Variants in SPTBN5 observed in about 807,000 individuals in gnomAD.
SPTBN5 encodes spectrin beta, non-erythrocytic 5.
Under a neutral mutation model 477.6 loss-of-function variants are expected in SPTBN5, and 513 were observed. The observed-to-expected ratio is 1.07, with a 90% CI of 1.00 to 1.16. The LOEUF is 1.16. Among genes scored for constraint, SPTBN5 ranks in the 50% most tolerant of loss-of-function variants. The pLI, the probability that SPTBN5 is intolerant of heterozygous loss-of-function variation, is 0.00. For missense variants in SPTBN5, 5,062 were observed against 4,731.8 expected, an observed-to-expected ratio of 1.07 and a Z score of -2.05; for synonymous variants, 2,169 against 2,011.7, an observed-to-expected ratio of 1.08 and a Z score of -2.09.
rs1453991843 is a variant in SPTBN5 at position 41,855,264 on chromosome 15, G to A, written c.9383C>T (p.Ala3128Val). The change falls in exon 55 of 68, where the codon GCC (alanine) becomes GTC (valine). Residue 3128 changes from alanine to valine, a missense_variant. By Grantham distance (64) the Ala-to-Val change is moderately conservative (BLOSUM62 0). Coordinates refer to ENST00000320955, the MANE Select transcript of SPTBN5 (RefSeq NM_016642.4). Reference sequence around the variant, plus strand: ...GTCCTGCCCGTAGTCCTGGGACTCGGCGGTGGCCGCCTTGGTGGTCAGCCA... The same window carrying A: ...GTCCTGCCCGTAGTCCTGGGACTCGACGGTGGCCGCCTTGGTGGTCAGCCA... ...DAWLTTKAAT[A>V]ESQDYGQDLE... 1.9e-6 allele frequency: 3 copies of A among 1,612,358 alleles called. No homozygotes were observed. The African/African-American group carries it at 4.0e-5, about 22-fold the overall frequency.
chr15:41,888,860 C>T (rs1182283870), intron 4 of SPTBN5, among the ~76,000 whole-genome samples: 2 of 152,222 alleles, frequency 1.3e-5, no homozygotes, highest in Non-Finnish European at 2.9e-5. Context: ...GTGCATGGTG[C>T]CCACATGAGG....
Position 41,872,351 on chromosome 15 carries a change from C to G in SPTBN5, c.5116G>C (p.Glu1706Gln), listed in dbSNP as rs748593023. 11 of 1,611,400 alleles carry G rather than the reference C, an allele frequency of 6.8e-6. No individual in the cohort carries two copies. The highest frequency in any genetic ancestry group is 9.3e-6 in the Non-Finnish European group (11 of 1,179,694). The part of the protein sequence containing the change: ...EVPEQQRVVQ[E>Q]RLREQLRALQ... ...GCCCGCAGCTGCTCCCGGAGCCTCTCCTGCACCACACGCTGCTGCTCAGGG... is the reference window on the plus strand; with the variant it reads ...GCCCGCAGCTGCTCCCGGAGCCTCTGCTGCACCACACGCTGCTGCTCAGGG... The change falls in exon 27 of 68, where the codon GAG (glutamate) becomes CAG (glutamine). Residue 1706 changes from glutamate (E) to glutamine (Q), a missense_variant. Glu to Gln is a conservative substitution (Grantham distance 29). Transcript: ENST00000320955.
Position 41,869,930 on chromosome 15 carries a change from T to C in SPTBN5, c.5764A>G (p.Thr1922Ala), listed in dbSNP as rs762124577. The C allele has an allele frequency of 2.6e-6, 4 of 1,554,132 alleles. No individual in the cohort carries two copies. The Admixed American group carries it at 7.5e-5, about 29-fold the overall frequency. Residue 1922 changes from threonine (T) to alanine (A), a missense_variant, in exon 32 of 68, where the codon ACG becomes GCG. Thr to Ala is a moderately conservative substitution (Grantham distance 58, BLOSUM62 0). Transcript: ENST00000320955. ...HAVQQRQQAV[T>A]QAWAVLQRRM... Reference sequence around the variant, plus strand: ...CGCTGCAGCACTGCCCACGCCTGCGTCACAGCTTGCTGCCTCTGCTGCACC... The same window carrying C: ...CGCTGCAGCACTGCCCACGCCTGCGCCACAGCTTGCTGCCTCTGCTGCACC...
Position 41,870,268 on chromosome 15 carries a change from C to T in SPTBN5, c.5648G>A (p.Arg1883Gln), listed in dbSNP as rs747691958. The change falls in exon 31 of 68, where the codon CGA (arginine) becomes CAA (glutamine). Residue 1883 changes from arginine to glutamine, a missense_variant. Transcript: ENST00000320955. The part of the protein sequence containing the change: ...AQLRSHQGLE[R>Q]ELVGTERQLQ... The stretch of plus-strand genomic sequence containing the variant: ...CTGCCGCTCGGTGCCCACGAGTTCT[C>T]GCTCCAGCCCCTGGTGGCTTCTCAG... The T allele has an allele frequency of 1.4e-5, 21 of 1,551,728 alleles. No homozygotes were observed. The highest frequency in any genetic ancestry group is 2.4e-5 in the East Asian group (1 of 41,024).
chr15:41,892,894 C>G lies in SPTBN5; in HGVS notation c.384G>C (p.Lys128Asn). The change falls in exon 3 of 68, where the codon AAG becomes AAC. Residue 128 changes from lysine to asparagine, a missense_variant and splice_region_variant. Coordinates refer to ENST00000320955, the MANE Select transcript of SPTBN5 (RefSeq NM_016642.4). ...CCAGACCCCTTTCCCTGGGGCCCAC[C>G]TTGGCCCTGAGGAAGGCCAGAGCTC... ...SSRALAFLRA[K>N]VPVPLIGPEN... 2.5e-6 allele frequency: 4 copies of G among 1,598,584 alleles called. No homozygotes were observed. The highest frequency in any genetic ancestry group is 3.4e-6 in the Non-Finnish European group (4 of 1,175,900).
In SPTBN5 at chr15:41,888,038, C is replaced by G; in HGVS notation, c.549G>C (p.Leu183=). 6.3e-7 allele frequency: 1 copy of G among 1,586,140 alleles called. No homozygotes were observed. The highest frequency in any genetic ancestry group is 8.6e-7 in the Non-Finnish European group (1 of 1,166,558). Residue 183 remains leucine (L), a synonymous_variant, in exon 5 of 68, where the codon CTG becomes CTC. Coordinates refer to ENST00000320955, the MANE Select transcript of SPTBN5 (RefSeq NM_016642.4). Reference sequence around the variant, plus strand: ...CTGTCTTCCGCTGGCACCAGACCAGCAGGGCTTCCTTGGTGGACAGCAGGG... The same window carrying G: ...CTGTCTTCCGCTGGCACCAGACCAGGAGGGCTTCCTTGGTGGACAGCAGGG... ...SAALLSTKEA[L]LVWCQRKTAS...
chr15:41,860,370 A>G (rs2066063906), intron 47 of SPTBN5, among the ~76,000 whole-genome samples: 1 of 152,224 alleles, frequency 6.6e-6, no homozygotes, highest in African/African-American at 2.4e-5. Flanking sequence ...CTGAATGAAG[A>G]AGGAAGTGGG....
rs905114294 is a variant in SPTBN5, at chr15:41,882,161, G to A, written c.2248-16C>T. 6.4e-7 allele frequency: 1 copy of A among 1,556,608 alleles called. No homozygotes were observed. Among genetic ancestry groups the A allele is most frequent in the Non-Finnish European group, 8.6e-7 (1 of 1,161,440 alleles). On this transcript the variant is annotated splice_polypyrimidine_tract_variant and intron_variant, in intron 11 of 67. Coordinates refer to ENST00000320955, the MANE Select transcript of SPTBN5 (RefSeq NM_016642.4). ...CCGCGAAGTACTGTGGGAGGGGGTC[G>A]GGGGTGGTGTGGGTGAAGGGGCGCG... is the stretch of plus-strand genomic sequence containing the variant.
Position 41,852,900 on chromosome 15 carries a change from T to C in SPTBN5, c.10271A>G (p.Lys3424Arg), listed in dbSNP as rs765359553. The C allele has an allele frequency of 2.5e-6, 4 of 1,607,456 alleles. No individual in the cohort carries two copies. The highest frequency in any genetic ancestry group is 3.4e-6 in the Non-Finnish European group (4 of 1,176,760). Residue 3424 changes from lysine to arginine, a missense_variant, in exon 60 of 68, where the codon AAG (lysine) becomes AGG (arginine). Transcript: ENST00000320955. ...AGCCTGCTCCAGCCTCTGCCGAAGC[T>C]TCTGCAGGCCCCAGCTCTCGGCACA... The part of the protein sequence containing the change: ...QRCAESWGLQ[K>R]LRQRLEQAEA...
chr15:41,853,730 G>A lies in SPTBN5; in HGVS notation c.9832C>T (p.Leu3278=). 1 of 1,589,976 alleles carries A rather than the reference G, an allele frequency of 6.3e-7. No homozygotes were observed. The highest frequency in any genetic ancestry group is 1.8e-5 in the Admixed American group (1 of 56,962). The change falls in exon 58 of 68, where the codon CTG becomes TTG. Residue 3278 remains leucine, a synonymous_variant. Coordinates refer to ENST00000320955, the MANE Select transcript of SPTBN5 (RefSeq NM_016642.4). ...GGAGCTGCAGGATGTAGCTGGCCCA[G>A]TCGGCAGGCCTCCGTCTGTAGCCGT... The part of the protein sequence containing the change: ...VARLQTEACR[L]GQLHPAAPGG...
At chr15:41,871,973 A>C in intron 27 of SPTBN5, 56 bp from the exon 28 acceptor site, 2 of 1,465,886 alleles carry the variant, frequency 1.4e-6, no homozygotes, top group Non-Finnish European at 1.8e-6. Context: ...CCTGGGGGCC[A>C]GTCGGGCCAG....
intron 38 of SPTBN5, 35 bp downstream of exon 38, chr15:41,866,003 C>A (rs1367186823): frequency 1.9e-6 from 3 of 1,548,190 alleles, no homozygotes; most frequent in South Asian, 1.2e-5. Flanking sequence ...GGCTCCTCCC[C>A]CCATCTCTCA....
intron 18 of SPTBN5, 77 bp from the exon 19 acceptor site, chr15:41,877,025 C>T: frequency 6.3e-7 from 1 of 1,589,670 alleles, no homozygotes; most frequent in South Asian, 1.1e-5. Flanking sequence ...GCCCCAGGGG[C>T]CTCCTGCCCA....
rs1387176207 is a variant in SPTBN5, at chr15:41,853,369, A to G, written c.10059T>C (p.Leu3353=). ...AEDVAGAEQL[L]GQHEELGQEI... ...CTTGCCCCAGCTCTTCATGCTGCCC[A>G]AGGAGCTGCTCAGCCCCCGCCACGT... The change falls in exon 59 of 68, where the codon CTT becomes CTC. Residue 3353 remains leucine (L), a synonymous_variant. Coordinates refer to ENST00000320955, the MANE Select transcript of SPTBN5 (RefSeq NM_016642.4). The G allele has an allele frequency of 4.3e-6, 7 of 1,611,876 alleles. No individual in the cohort carries two copies. Among genetic ancestry groups the G allele is most frequent in the Non-Finnish European group, 5.9e-6 (7 of 1,179,112 alleles).
At position 41,855,199 on chromosome 15, in the gene SPTBN5, T is replaced by C. The variant is rs370154337; in HGVS notation, c.9423+25A>G. On this transcript the variant is annotated intron_variant, in intron 55 of 67. Coordinates refer to ENST00000320955, the MANE Select transcript of SPTBN5 (RefSeq NM_016642.4). The stretch of plus-strand genomic sequence containing the variant: ...TTCCTCAGCCTCTGCCCACTCCCCG[T>C]GAGGTTTGCTCAGGAGTAACTCACC... 104 of 1,592,684 alleles carry C rather than the reference T, an allele frequency of 6.5e-5. No individual in the cohort carries two copies. The African/African-American group carries it at 1.2e-3, about 19-fold the overall frequency.
chr15:41,882,197 G>T, intron 11 of SPTBN5, 52 bp from the exon 12 acceptor site: 2 of 1,474,292 alleles, frequency 1.4e-6, no homozygotes, highest in Non-Finnish European at 1.8e-6. Context: ...GCTGAGCGCG[G>T]GCAGGTGCTG....
chr15:41,855,879 C>T, intron 53 of SPTBN5, 134 bp from the exon 54 acceptor site: 2 of 900,424 alleles, frequency 2.2e-6, no homozygotes, highest in Non-Finnish European at 3.3e-6. Flanking sequence ...TGGCCCCACT[C>T]CTAAGCAGCC....
In SPTBN5 at chr15:41,857,234, C is replaced by T; in HGVS notation, c.8621+4G>A. The stretch of plus-strand genomic sequence containing the variant: ...AGAGAAGCTGAGGGCACGGGTGGAT[C>T]TACCTCTGAAGCAGCCGCCGGGCCT... On this transcript the variant is annotated splice_donor_region_variant and intron_variant, in intron 51 of 67. Transcript: ENST00000320955. 6.3e-7 allele frequency: 1 copy of T among 1,583,146 alleles called. No individual in the cohort carries two copies. Among genetic ancestry groups the T allele is most frequent in the East Asian group, 2.3e-5 (1 of 43,674 alleles).
chr15:41,886,127 T>G lies in SPTBN5; in HGVS notation c.1128A>C (p.Ala376=), dbSNP rs1478706188. 1 of 1,610,906 alleles carries G rather than the reference T, an allele frequency of 6.2e-7. No homozygotes were observed. The highest frequency in any genetic ancestry group is 8.5e-7 in the Non-Finnish European group (1 of 1,178,534). ...AGGGCCTGCGGTTCTGGGCTTGGAG[T>G]GCTGTCTGTAGCCGGAAGAGCAGGG... ...AEALLFRLQT[A]LQAQNRRPFL... is the part of the protein sequence containing the mutation. Residue 376 remains alanine, a synonymous_variant, in exon 7 of 68, where the codon GCA becomes GCC. Transcript: ENST00000320955.
Sources: gnomAD v4.1 joint callset for allele counts (sites outside exome capture counted in the v4.1 genomes callset) on GRCh38, gnomAD v4.1.1 for gene constraint, MANE v1.5 for transcripts, NCBI Gene and HGNC (gene_info 2026-07-23, HGNC 2026-07-21) for gene names.